The following DPH6 variants were observed in gnomAD, a reference collection of about 807,000 sequenced individuals.
DPH6 encodes the protein diphthamine biosynthesis 6, also known as diphthine--ammonia ligase.
DPH6 carries 33 observed loss-of-function variants against 38.2 expected under a neutral mutation model. The observed-to-expected ratio is 0.86, with a 90% CI of 0.65 to 1.15. The LOEUF (loss-of-function observed/expected upper bound fraction) is 1.15, where lower values mean the gene tolerates loss of function less well. Ranked by LOEUF, DPH6 falls within the 50% of genes most tolerant of loss-of-function variation. The pLI is 0.00. For missense variants in DPH6, 325 were observed against 320.0 expected, an observed-to-expected ratio of 1.02 and a Z score of -0.12; for synonymous variants, 108 against 103.0, an observed-to-expected ratio of 1.05 and a Z score of -0.30.
At chr15:35,278,185 A>C (rs553745655) in intron 3 of DPH6, among the ~76,000 whole-genome samples, 2 of 152,306 alleles carry the variant, frequency 1.3e-5, no homozygotes, top group Non-Finnish European at 2.9e-5. Context: ...GATTTCAGGG[A>C]CCACGCCAAG....
At chr15:35,400,687 C>A in intron 6 of DPH6, 1 of 653,720 alleles carries the variant, frequency 1.5e-6, no homozygotes, top group Non-Finnish European at 2.8e-6. Context: ...TTCCCCCTGC[C>A]ATCATGTCTA....
At chr15:35,491,177 A>G (rs746824636) in intron 3 of DPH6, among the ~76,000 whole-genome samples, 5 of 152,120 alleles carry the variant, frequency 3.3e-5, no homozygotes, top group African/African-American at 9.7e-5. Flanking sequence ...AGAAATACAC[A>G]CACACACATA....
At chr15:35,160,166 T>C in the DPH6 span, among the ~76,000 whole-genome samples, 2 of 152,118 alleles carry the variant, frequency 1.3e-5, no homozygotes, top group Admixed American at 6.6e-5. Flanking sequence ...AATATGCACA[T>C]GCATCCCCTG....
chr15:35,532,577 T>C (rs1347719332), intron 3 of DPH6, among the ~76,000 whole-genome samples: 3 of 152,142 alleles, frequency 2.0e-5, no homozygotes, highest in Non-Finnish European at 4.4e-5. Context: ...ATGCTTTTAA[T>C]TAAGGAAATA....
At position 35,350,140 on chromosome 15, in the gene DPH6, C is replaced by T. The variant is rs150004895; in HGVS notation, n.208-19063G>A. Among the ~76,000 whole-genome samples the T allele has an allele frequency of 3.0e-3, 450 of 152,194 alleles. 3 individuals carry two copies. Among genetic ancestry groups the T allele is most frequent in the African/African-American group, 0.011 (441 of 41,538 alleles). Reference sequence around the variant, plus strand: ...CGTCTCCTTACTCGTTATTGGTCTACAAAGAATTTTTATTTCTTCATGAGT... The same window carrying T: ...CGTCTCCTTACTCGTTATTGGTCTATAAAGAATTTTTATTTCTTCATGAGT... On this transcript the variant is annotated intron_variant and non_coding_transcript_variant, in intron 3 of 3. Coordinates refer to the DPH6 transcript ENST00000558973.
downstream of DPH6, among the ~76,000 whole-genome samples, chr15:35,369,097 C>T (rs1490764054): frequency 1.3e-5 from 2 of 151,692 alleles, no homozygotes; most frequent in Admixed American, 6.6e-5. Context: ...AAAAGTCAGA[C>T]TAGTACAGAG....
At chr15:35,251,091 C>T (rs1160366861) in intron 3 of DPH6, among the ~76,000 whole-genome samples, 1 of 152,188 alleles carries the variant, frequency 6.6e-6, no homozygotes, top group Non-Finnish European at 1.5e-5. Flanking sequence ...AATGCAGTGT[C>T]TCTATTTATA....
chr15:35,149,839 G>T, the DPH6 span, among the ~76,000 whole-genome samples: 2 of 152,212 alleles, frequency 1.3e-5, no homozygotes, highest in Non-Finnish European at 2.9e-5. Flanking sequence ...ACTACAATTA[G>T]ATTCAACTGT....
intron 3 of DPH6, among the ~76,000 whole-genome samples, chr15:35,455,100 A>G (rs1243747531): frequency 6.6e-6 from 1 of 152,182 alleles, no homozygotes; most frequent in Non-Finnish European, 1.5e-5. Flanking sequence ...AAAATGTTTC[A>G]CACTTAACGT....
At chr15:35,279,016 T>C (rs2051877644) in intron 3 of DPH6, among the ~76,000 whole-genome samples, 1 of 125,180 alleles carries the variant, frequency 8.0e-6, no homozygotes, top group Non-Finnish European at 1.6e-5. Context: ...GCCACTGCAA[T>C]CCAGCCTCAG....
At chr15:35,384,707 C>A (rs1234794146) in intron 6 of DPH6, among the ~76,000 whole-genome samples, 1 of 151,988 alleles carries the variant, frequency 6.6e-6, no homozygotes, top group East Asian at 1.9e-4. Flanking sequence ...TCATTGAGAA[C>A]CACTGGCATA....
intron 3 of DPH6, among the ~76,000 whole-genome samples, chr15:35,229,731 C>T (rs1007706710): frequency 6.6e-6 from 1 of 152,202 alleles, no homozygotes; most frequent in African/African-American, 2.4e-5. Context: ...GTGTTGTGAT[C>T]TAACCTGTAT....
At chr15:35,209,460 T>C in the DPH6 span, among the ~76,000 whole-genome samples, 17 of 152,180 alleles carry the variant, frequency 1.1e-4, no homozygotes, top group African/African-American at 3.6e-4. Flanking sequence ...ACAGATATCA[T>C]GTTAGAAAAC....
At chr15:35,301,074 T>C (rs78850866) in intron 3 of DPH6, among the ~76,000 whole-genome samples, 3,865 of 152,312 alleles carry the variant, frequency 0.025, 153 homozygotes, top group African/African-American at 0.089. Flanking sequence ...AGGAATTATA[T>C]GAATCAAGAA....
intron 3 of DPH6, among the ~76,000 whole-genome samples, chr15:35,457,389 G>A (rs2054010920): frequency 6.6e-6 from 1 of 151,366 alleles, no homozygotes; most frequent in Non-Finnish European, 1.5e-5. Context: ...GGCCTCCTGG[G>A]TTCAAGTGAT....
chr15:35,372,328 G>C, intron 8 of DPH6, 125 bp from the exon 9 acceptor site: 1 of 798,784 alleles, frequency 1.3e-6, no homozygotes, highest in Non-Finnish European at 1.8e-6. Flanking sequence ...CCTATTTCAG[G>C]TAACAGTATT....
At chr15:35,290,471 A>C (rs2051973052) in intron 3 of DPH6, among the ~76,000 whole-genome samples, 1 of 152,210 alleles carries the variant, frequency 6.6e-6, no homozygotes, top group Non-Finnish European at 1.5e-5. Context: ...TAATGAAAGA[A>C]CATGTCAGAG....
At chr15:35,262,502 G>A (rs1056589837) in intron 3 of DPH6, among the ~76,000 whole-genome samples, 3 of 151,926 alleles carry the variant, frequency 2.0e-5, no homozygotes, top group African/African-American at 7.3e-5. Flanking sequence ...GTCAGGAGAT[G>A]AAGACCATCC....
the DPH6 span, among the ~76,000 whole-genome samples, chr15:35,148,500 T>A: frequency 1.5e-3 from 236 of 152,312 alleles, no homozygotes; most frequent in African/African-American, 5.3e-3. Flanking sequence ...TCTCTAGTAT[T>A]CCTACCATCC....
Sources: gnomAD v4.1 joint callset for allele counts (sites outside exome capture counted in the v4.1 genomes callset) on GRCh38, gnomAD v4.1.1 for gene constraint, MANE v1.5 for transcripts, NCBI Gene and HGNC (gene_info 2026-07-23, HGNC 2026-07-21) for gene names.